The following ABHD2 variants were observed in gnomAD, a reference collection of about 807,000 sequenced individuals.
ABHD2 encodes the protein monoacylglycerol lipase ABHD2.
In ABHD2, 20 loss-of-function variants were observed where a neutral mutation model predicts 48.1. The ratio of observed to expected loss-of-function variants is 0.42; its 90% CI spans 0.29 to 0.60. The LOEUF (loss-of-function observed/expected upper bound fraction) is 0.60, where lower values mean the gene tolerates loss of function less well. ABHD2 is among the 20% of genes least tolerant of loss of function. The pLI, the probability that ABHD2 is intolerant of heterozygous loss-of-function variation, is 0.24. For synonymous variants in ABHD2, 209 were observed against 214.2 expected, an observed-to-expected ratio of 0.98 and a Z score of 0.21; for missense variants, 405 against 550.9, an observed-to-expected ratio of 0.74 and a Z score of 2.65.
At chr15:89,134,891 CA>C (rs2150852825) in intron 3 of ABHD2, among the ~76,000 whole-genome samples, 1 of 152,120 alleles carries the variant, frequency 6.6e-6, no homozygotes, top group Admixed American at 6.5e-5. Flanking sequence ...TAATTACTGA[CA>C]AAAGAAACAT....
At chr15:89,180,563 T>A (rs769595422) in intron 6 of ABHD2, among the ~76,000 whole-genome samples, 26 of 152,230 alleles carry the variant, frequency 1.7e-4, no homozygotes, top group Non-Finnish European at 3.4e-4. Flanking sequence ...TGATGACCTC[T>A]CTACAGATTG....
chr15:89,172,320 C>T (rs976434463), intron 5 of ABHD2, among the ~76,000 whole-genome samples: 13 of 152,220 alleles, frequency 8.5e-5, no homozygotes, highest in Non-Finnish European at 1.3e-4. Context: ...ATTCTATTTT[C>T]CATCTGTAAA....
chr15:89,119,808 T>G (rs1184902251), intron 3 of ABHD2, among the ~76,000 whole-genome samples: 1 of 152,208 alleles, frequency 6.6e-6, no homozygotes, highest in Admixed American at 6.5e-5. Context: ...TCTTTTTCTG[T>G]GTCACATGAC....
chr15:89,088,746 G>A lies in ABHD2; in HGVS notation c.-107+183G>A, dbSNP rs1373167411. The stretch of plus-strand genomic sequence containing the variant: ...CAGGGGCTGGCTTGCCCAGTGGTGG[G>A]GACAGCCCAGATCGCGGCGGGGGAT... On this transcript the variant is annotated intron_variant, in intron 1 of 10. Transcript: ENST00000352732. The surrounding 1 kb of genome is among the most constrained non-coding windows in gnomAD (Gnocchi z 6.8). Among the ~76,000 whole-genome samples, 1 of 152,218 alleles carries A rather than the reference G, an allele frequency of 6.6e-6. No homozygotes were observed. The highest frequency in any genetic ancestry group is 1.9e-4 in the East Asian group (1 of 5,170).
intron 1 of ABHD2, among the ~76,000 whole-genome samples, chr15:89,093,454 A>G (rs994884571): frequency 2.6e-5 from 4 of 151,998 alleles, no homozygotes; most frequent in African/African-American, 9.7e-5. Context: ...TACAGACGTG[A>G]GCCACCGTGC....
chr15:89,151,245 G>C lies in ABHD2; in HGVS notation c.195-432G>C, dbSNP rs988971586. Among the ~76,000 whole-genome samples, 8 of 152,362 alleles carry C rather than the reference G, an allele frequency of 5.3e-5. No individual in the cohort carries two copies. The highest frequency in any genetic ancestry group is 2.9e-5 in the Non-Finnish European group (2 of 68,038). On this transcript the variant is annotated intron_variant, in intron 3 of 10. Coordinates refer to ENST00000352732, the MANE Select transcript of ABHD2 (RefSeq NM_152924.5). The surrounding 1 kb of genome is among the most constrained non-coding windows in gnomAD (Gnocchi z 4.7). ...GGAGTAACCACTACAGCTGTGGCCT[G>C]TCTCGTTAGGGAAAGAAGAAGTGAG...
At chr15:89,154,439 A>G (rs2050639205) in intron 4 of ABHD2, among the ~76,000 whole-genome samples, 1 of 152,214 alleles carries the variant, frequency 6.6e-6, no homozygotes, top group Non-Finnish European at 1.5e-5. Flanking sequence ...TAAGTAGGCA[A>G]GTCACATTCA....
Position 89,151,642 on chromosome 15 carries a change from G to A in ABHD2, c.195-35G>A, listed in dbSNP as rs2150887817. ...TTTTTCAGAACGTTGCTCAAGGAAT[G>A]TAGAGAAAATTGACCTCCCTTGTCC... is the stretch of plus-strand genomic sequence containing the variant. On this transcript the variant is annotated intron_variant, in intron 3 of 10. Transcript: ENST00000352732. The surrounding 1 kb of genome is among the most constrained non-coding windows in gnomAD (Gnocchi z 4.7). 1.3e-6 allele frequency: 2 copies of A among 1,579,354 alleles called. No individual in the cohort carries two copies. Among genetic ancestry groups the A allele is most frequent in the Non-Finnish European group, 1.7e-6 (2 of 1,160,884 alleles).
upstream of ABHD2, among the ~76,000 whole-genome samples, chr15:89,086,170 G>A (rs561438714): frequency 1.6e-3 from 237 of 152,022 alleles, 1 homozygote; most frequent in Admixed American, 4.1e-3. Context: ...TGGGATTACA[G>A]GTGTGTGCCA....
chr15:89,055,952 C>T, the ABHD2 span, among the ~76,000 whole-genome samples: 1 of 152,062 alleles, frequency 6.6e-6, no homozygotes, highest in Non-Finnish European at 1.5e-5. Context: ...CAGTCTTGAC[C>T]TCCCGGGCTC....
chr15:89,095,828 T>C (rs1460117342), intron 1 of ABHD2, among the ~76,000 whole-genome samples: 2 of 152,232 alleles, frequency 1.3e-5, no homozygotes, highest in Admixed American at 6.5e-5. Context: ...GGTTTCGTGT[T>C]AATGATAATT....
In ABHD2 at chr15:89,088,847, C is replaced by T. The variant is rs951826100; in HGVS notation, c.-107+284C>T. Among the ~76,000 whole-genome samples the T allele has an allele frequency of 6.6e-6, 1 of 152,216 alleles. No homozygotes were observed. Among genetic ancestry groups the T allele is most frequent in the Non-Finnish European group, 1.5e-5 (1 of 68,028 alleles). On this transcript the variant is annotated intron_variant, in intron 1 of 10. Transcript: ENST00000352732. The surrounding 1 kb of genome is among the most constrained non-coding windows in gnomAD (Gnocchi z 6.8). ...GGACAACCCCGACCGCGGCCTTTCC[C>T]CCATTGGTGCTCACTCCTGGGTCTT...
chr15:89,158,353 A>G (rs551115022), intron 5 of ABHD2, among the ~76,000 whole-genome samples: 42 of 152,342 alleles, frequency 2.8e-4, no homozygotes, highest in East Asian at 9.6e-4. Context: ...CTGGGTCTGT[A>G]TAGTCTAGGC....
At chr15:89,046,101 C>T in the ABHD2 span, among the ~76,000 whole-genome samples, 3 of 152,162 alleles carry the variant, frequency 2.0e-5, no homozygotes, top group African/African-American at 7.2e-5. Flanking sequence ...GAGTTTTTAG[C>T]ATGAAGATTT....
At chr15:89,045,261 T>C in the ABHD2 span, among the ~76,000 whole-genome samples, 1 of 151,904 alleles carries the variant, frequency 6.6e-6, no homozygotes, top group Admixed American at 6.6e-5. Context: ...TCCATTGATC[T>C]ATATCTCTGT....
At position 89,092,305 on chromosome 15, in the gene ABHD2, G is replaced by A. The variant is rs757291884; in HGVS notation, c.-107+3742G>A. Among the ~76,000 whole-genome samples the A allele has an allele frequency of 2.0e-5, 3 of 152,092 alleles. No individual in the cohort carries two copies. The highest frequency in any genetic ancestry group is 4.4e-5 in the Non-Finnish European group (3 of 68,012). Reference sequence around the variant, plus strand: ...GAGAAGTGGAACGTTGGTACCCTTGGATTTGCCTGGTTTCTGATTTTCTTT... The same window carrying A: ...GAGAAGTGGAACGTTGGTACCCTTGAATTTGCCTGGTTTCTGATTTTCTTT... On this transcript the variant is annotated intron_variant, in intron 1 of 10. Transcript: ENST00000352732. The surrounding 1 kb of genome is among the most constrained non-coding windows in gnomAD (Gnocchi z 4.4).
At position 89,100,139 on chromosome 15, in the gene ABHD2, T is replaced by C. The variant is rs2049679140; in HGVS notation, c.-107+11576T>C. Among the ~76,000 whole-genome samples, 1 of 152,164 alleles carries C rather than the reference T, an allele frequency of 6.6e-6. No homozygotes were observed. The highest frequency in any genetic ancestry group is 1.5e-5 in the Non-Finnish European group (1 of 68,030). ...TTAAATTAGCATTGATCATGATTGC[T>C]CACAGGCAAGTCAAGACCAGACTAA... On this transcript the variant is annotated intron_variant, in intron 1 of 10. Coordinates refer to ENST00000352732, the MANE Select transcript of ABHD2 (RefSeq NM_152924.5). This position sits in a 1 kb window ranked among gnomAD's most constrained non-coding sequence, Gnocchi z 4.4.
intron 3 of ABHD2, among the ~76,000 whole-genome samples, chr15:89,130,335 C>T (rs2050199384): frequency 6.6e-6 from 1 of 152,190 alleles, no homozygotes; most frequent in East Asian, 1.9e-4. Flanking sequence ...CATCTCAACA[C>T]CTGCTTCCGT....
At chr15:89,061,351 G>T in the ABHD2 span, among the ~76,000 whole-genome samples, 82 of 152,030 alleles carry the variant, frequency 5.4e-4, no homozygotes, top group Non-Finnish European at 1.1e-3. Flanking sequence ...CCGGGAGGTA[G>T]ATGTTGCAGT....
Sources: gnomAD v4.1 joint callset for allele counts (sites outside exome capture counted in the v4.1 genomes callset) on GRCh38, gnomAD v4.1.1 for gene constraint, Gnocchi (gnomAD v3.1) non-coding constraint, MANE v1.5 for transcripts, NCBI Gene and HGNC (gene_info 2026-07-23, HGNC 2026-07-21) for gene names.